The following MICAL2 variants were observed in gnomAD, a reference collection of about 807,000 sequenced individuals.
MICAL2 encodes the protein [F-actin]-monooxygenase MICAL2.
MICAL2 carries 77 observed loss-of-function variants against 127.3 expected under a neutral mutation model. The observed-to-expected ratio is 0.60, with a 90% CI of 0.50 to 0.73. The LOEUF is 0.73. MICAL2 is among the 30% of genes least tolerant of loss of function. The pLI, the probability that MICAL2 is intolerant of heterozygous loss-of-function variation, is 0.00. For synonymous variants in MICAL2, 570 were observed against 551.1 expected (o/e 1.03, Z -0.48); for missense variants, 1,351 against 1,434.4 (o/e 0.94, Z 0.94).
downstream of MICAL2, chr11:12,294,258 C>A: frequency 6.2e-7 from 1 of 1,614,126 alleles, no homozygotes; most frequent in Non-Finnish European, 8.5e-7. Context: ...ATAGCCAATG[C>A]CATCCGAAGG....
At chr11:12,361,865 GC>G (rs1939210331), downstream of MICAL2, among the ~76,000 whole-genome samples, 1 of 152,264 alleles carries the variant, frequency 6.6e-6, no homozygotes, top group Non-Finnish European at 1.5e-5. Flanking sequence ...GTGGCAGGGG[GC>G]AGCCGGGGCC....
intron 32 of MICAL2, among the ~76,000 whole-genome samples, chr11:12,343,014 C>T (rs1194046373): frequency 6.6e-6 from 1 of 152,250 alleles, no homozygotes. Flanking sequence ...GCACAGTCGT[C>T]CTGAACCCAA....
chr11:12,313,527 GC>G (rs1483181970), intron 29 of MICAL2, among the ~76,000 whole-genome samples: 3 of 152,060 alleles, frequency 2.0e-5, no homozygotes, highest in African/African-American at 7.2e-5. Context: ...GTTGATACTT[GC>G]TTTATAGCTT....
At chr11:12,275,327 G>A (rs1289949050), upstream of MICAL2, among the ~76,000 whole-genome samples, 1 of 152,216 alleles carries the variant, frequency 6.6e-6, no homozygotes, top group Non-Finnish European at 1.5e-5. Flanking sequence ...CCAGGCTGGA[G>A]ATAGAAATCT....
At chr11:12,260,027 G>C in intron 26 of MICAL2, 130 bp downstream of exon 26, 1 of 1,546,718 alleles carries the variant, frequency 6.5e-7, no homozygotes, top group Non-Finnish European at 8.7e-7. Flanking sequence ...TACAACTACT[G>C]CTACATGTAC....
intron 3 of MICAL2, among the ~76,000 whole-genome samples, chr11:12,193,633 T>G (rs751160909): frequency 1.3e-5 from 2 of 152,158 alleles, no homozygotes; most frequent in Non-Finnish European, 2.9e-5. Flanking sequence ...GAGAGGGCAA[T>G]GCAGGAGTCA....
downstream of MICAL2, chr11:12,287,456 G>A (rs1053989241): frequency 1.2e-5 from 3 of 260,606 alleles, no homozygotes; most frequent in East Asian, 6.9e-5. Context: ...AGCCATCATT[G>A]CCTCTAAGCT....
rs780470045 is a variant in MICAL2, at chr11:12,239,485, G to A, written c.2114G>A (p.Ser705Asn). 4 of 1,614,106 alleles carry A rather than the reference G, an allele frequency of 2.5e-6. No homozygotes were observed. In the African/African-American group the frequency reaches 4.0e-5, roughly 16 times the overall value. ...RSLGSNQECGSSKEGGNQNKV... is the reference protein window; with the variant it reads ...RSLGSNQECGNSKEGGNQNKV... ...TTGGGCTCCAATCAAGAGTGTGGGA[G>A]CAGTAAGGAAGGTGGAAATCAGAAC... Residue 705 changes from serine (S) to asparagine (N), a missense_variant, in exon 17 of 28, where the codon AGC becomes AAC. Physicochemically the swap from Ser to Asn is conservative, Grantham distance 46. Transcript: ENST00000683283.
intron 21 of MICAL2, among the ~76,000 whole-genome samples, chr11:12,248,801 C>T (rs371516308): frequency 1.4e-3 from 41 of 30,304 alleles, no homozygotes; most frequent in East Asian, 0.01. Flanking sequence ...TGCCTCCAAC[C>T]TCACTGTTCC....
chr11:12,152,434 G>C (rs1253472466), intron 2 of MICAL2, among the ~76,000 whole-genome samples: 5 of 152,062 alleles, frequency 3.3e-5, no homozygotes, highest in Admixed American at 3.3e-4. Flanking sequence ...GAGCAATATG[G>C]GTATGCTTAT....
chr11:12,326,652 A>C (rs1177843003), intron 31 of MICAL2, among the ~76,000 whole-genome samples: 1 of 152,232 alleles, frequency 6.6e-6, no homozygotes, highest in Non-Finnish European at 1.5e-5. Context: ...TAAGGACAGG[A>C]GCAGGACAAT....
At chr11:12,227,728 C>T (rs2641942) in intron 15 of MICAL2, among the ~76,000 whole-genome samples, 139,873 of 152,272 alleles carry the variant, frequency 0.92, 65,051 homozygotes, top group East Asian at 0.99. Flanking sequence ...CTTATAGCAC[C>T]CTTAATGTCT....
chr11:12,216,524 G>C, intron 8 of MICAL2: 2 of 582,710 alleles, frequency 3.4e-6, no homozygotes, highest in South Asian at 2.1e-5. Flanking sequence ...ATTTTCTGCA[G>C]AGGGACGTGT....
intron 21 of MICAL2, among the ~76,000 whole-genome samples, chr11:12,248,168 G>A (rs568198597): frequency 3.3e-5 from 5 of 152,260 alleles, no homozygotes; most frequent in South Asian, 2.1e-4. Context: ...CCACTTGCCC[G>A]CCCTCTCAGA....
chr11:12,137,421 A>C (rs1851935501), intron 1 of MICAL2, among the ~76,000 whole-genome samples: 1 of 152,198 alleles, frequency 6.6e-6, no homozygotes, highest in Admixed American at 6.5e-5. Context: ...CTGTTCTGTA[A>C]GCCTCTGTTT....
chr11:12,273,564 G>A (rs1240563954), upstream of MICAL2, among the ~76,000 whole-genome samples: 1 of 144,636 alleles, frequency 6.9e-6, no homozygotes, highest in African/African-American at 2.6e-5. Flanking sequence ...TTTTTTTGAT[G>A]TGTCTGATAT....
chr11:12,144,656 A>T (rs1852706726), intron 2 of MICAL2, among the ~76,000 whole-genome samples: 1 of 152,188 alleles, frequency 6.6e-6, no homozygotes, highest in African/African-American at 2.4e-5. Context: ...CAAGTAGGCA[A>T]ATGTTATAGG....
At chr11:12,318,390 C>T (rs1646751043) in intron 29 of MICAL2, among the ~76,000 whole-genome samples, 3 of 152,188 alleles carry the variant, frequency 2.0e-5, no homozygotes, top group Admixed American at 2.0e-4. Flanking sequence ...CTATCTTTAC[C>T]TGAGCTTTCC....
intron 1 of MICAL2, among the ~76,000 whole-genome samples, chr11:12,118,804 T>C (rs971711336): frequency 6.6e-6 from 1 of 152,182 alleles, no homozygotes; most frequent in African/African-American, 2.4e-5. Context: ...GGAGATGAAA[T>C]TAAAATATTT....
Sources: gnomAD v4.1 joint callset for allele counts (sites outside exome capture counted in the v4.1 genomes callset) on GRCh38, gnomAD v4.1.1 for gene constraint, MANE v1.5 for transcripts, NCBI Gene and HGNC (gene_info 2026-07-23, HGNC 2026-07-21) for gene names.